The following MINK1 variants were observed in gnomAD, a reference collection of about 807,000 sequenced individuals.
MINK1 encodes the protein misshapen like kinase 1, also known as misshapen-like kinase 1.
A neutral mutation model predicts 178.4 loss-of-function variants in MINK1; 46 were observed. The ratio of observed to expected loss-of-function variants is 0.26; its 90% CI spans 0.20 to 0.33. MINK1 has a LOEUF of 0.33. Ranked by LOEUF, MINK1 falls within the 10% of genes least tolerant of loss-of-function variation. MINK1 has a pLI of 1.00. For missense variants in MINK1, 1,366 were observed against 1,814.9 expected (o/e 0.75, Z 4.49); for synonymous variants, 797 against 709.7 (o/e 1.12, Z -1.96).
intron 1 of MINK1, among the ~76,000 whole-genome samples, chr17:4,838,380 A>G (rs899887898): frequency 1.4e-4 from 21 of 152,238 alleles, no homozygotes; most frequent in African/African-American, 4.3e-4. Flanking sequence ...GACAGTTAAG[A>G]TAACAGTAAG....
chr17:4,885,306 C>T lies in MINK1; in HGVS notation c.509-177C>T, dbSNP rs1968100393. ...TTTACCTGGGTTTTTCTCTAAGATG[C>T]TGGAAGATGGAATCGGGTTCTTCAG... On this transcript the variant is annotated intron_variant, in intron 6 of 31. Transcript: ENST00000355280. The surrounding 1 kb of genome is among the most constrained non-coding windows in gnomAD (Gnocchi z 5.0). 6.6e-6 allele frequency among the ~76,000 whole-genome samples: 1 copy of T among 152,160 alleles called. No homozygotes were observed. The highest frequency in any genetic ancestry group is 1.5e-5 in the Non-Finnish European group (1 of 68,032).
At position 4,892,208 on chromosome 17, in the gene MINK1, C is replaced by T. The variant is rs994623219; in HGVS notation, c.2061C>T (p.Ser687=). 4 of 1,595,984 alleles carry T rather than the reference C, an allele frequency of 2.5e-6. No individual in the cohort carries two copies. The African/African-American group carries it at 5.4e-5, about 21-fold the overall frequency. ...TALNTSGAGG[S]RPAQAVRARP... is the part of the protein sequence containing the mutation. ...TTAACACCAGTGGGGCCGGAGGGTC[C>T]CGGCCAGCCCAGGCAGTCCGTGCCA... The change falls in exon 17 of 32, where the codon TCC becomes TCT. Residue 687 remains serine, a synonymous_variant. Transcript: ENST00000355280.
intron 1 of MINK1, among the ~76,000 whole-genome samples, chr17:4,851,999 C>CAAAAAAAAAAAAAAAAAAAAAAAAA (rs535581252): frequency 1.4e-5 from 1 of 69,446 alleles, no homozygotes; most frequent in African/African-American, 6.4e-5. Flanking sequence ...GACTCTGTCT[C>CAAAAAAAAAAAAAAAAAAAAAAAAA]AAAAAAAAAA....
chr17:4,896,931 G>T lies in MINK1; in HGVS notation c.3915+118G>T. 1 of 1,344,080 alleles carries T rather than the reference G, an allele frequency of 7.4e-7. No homozygotes were observed. The highest frequency in any genetic ancestry group is 1.5e-5 in the South Asian group (1 of 64,602). The allele number at this position is 1,344,080 out of a possible 1,614,324, so 83.3% of individuals were successfully genotyped here. ...GGCTTCCTGAAAGCGGGCCCCTCTG[G>T]GAGCTCAGAGGGCAGTCAGCCACTA... is the stretch of plus-strand genomic sequence containing the variant. On this transcript the variant is annotated intron_variant, in intron 31 of 31. Coordinates refer to ENST00000355280, the MANE Select transcript of MINK1 (RefSeq NM_153827.5). This position sits in a 1 kb window ranked among gnomAD's most constrained non-coding sequence, Gnocchi z 4.6.
rs1355949825 is a variant in MINK1, at chr17:4,886,505, C to G, written c.828C>G (p.Ser276Arg). ...IDTCLIKTYL[S>R]RPPTEQLLKF... ...CATGTCTCATCAAGACTTACCTGAG[C>G]CGCCCACCCACGGAGCAGCTACTGA... Residue 276 changes from serine to arginine, a missense_variant, in exon 10 of 32, where the codon AGC (serine) becomes AGG (arginine). Transcript: ENST00000355280. This position sits in a 1 kb window ranked among gnomAD's most constrained non-coding sequence, Gnocchi z 6.1. 1 of 1,613,258 alleles carries G rather than the reference C, an allele frequency of 6.2e-7. No individual in the cohort carries two copies. Among genetic ancestry groups the G allele is most frequent in the African/African-American group, 1.3e-5 (1 of 74,918 alleles).
intron 1 of MINK1, chr17:4,834,925 C>G (rs995065358): frequency 1.0e-5 from 5 of 499,416 alleles, no homozygotes; most frequent in African/African-American, 2.0e-5. Context: ...AGAGCAGAGT[C>G]ATGTTGTTAA....
chr17:4,895,892 T>C lies in MINK1; in HGVS notation c.3364+60T>C, dbSNP rs560123915. On this transcript the variant is annotated intron_variant, in intron 27 of 31. Coordinates refer to ENST00000355280, the MANE Select transcript of MINK1 (RefSeq NM_153827.5). The surrounding 1 kb of genome is among the most constrained non-coding windows in gnomAD (Gnocchi z 4.3). ...TTGTTCATGAAGAGAGAAATGGATC[T>C]GGGAGCCAGGGACTTGGGGCCTGGG... 8 of 1,590,742 alleles carry C rather than the reference T, an allele frequency of 5.0e-6. No individual in the cohort carries two copies. The South Asian group carries it at 9.0e-5, about 18-fold the overall frequency.
intron 1 of MINK1, among the ~76,000 whole-genome samples, chr17:4,865,896 A>G (rs1311439140): frequency 6.6e-6 from 1 of 152,156 alleles, no homozygotes; most frequent in African/African-American, 2.4e-5. Context: ...ACCTGTCTCA[A>G]AAAAGAAACG....
At position 4,893,553 on chromosome 17, in the gene MINK1, C is replaced by G. The variant is rs1379028932; in HGVS notation, c.2520C>G (p.Gly840=). 6.3e-6 allele frequency: 10 copies of G among 1,586,844 alleles called. No individual in the cohort carries two copies. The South Asian group carries it at 6.7e-5, about 11-fold the overall frequency. Residue 840 remains glycine, a synonymous_variant, in exon 21 of 32, where the codon GGC becomes GGG. Coordinates refer to ENST00000355280, the MANE Select transcript of MINK1 (RefSeq NM_153827.5). ...GCAGTGAGGACGACGAGGAGGAAGG[C>G]GAAGGCGGGCCAGCAGAGGGGAGCA... ...VESSEDDEEE[G]EGGPAEGSRD... is the part of the protein sequence containing the mutation.
chr17:4,840,096 GA>G (rs371598445), intron 1 of MINK1, among the ~76,000 whole-genome samples: 4 of 151,554 alleles, frequency 2.6e-5, no homozygotes, highest in Non-Finnish European at 5.9e-5. Flanking sequence ...CTGTGTCATG[GA>G]AAAAAAATTG....
chr17:4,878,230 C>A, intron 1 of MINK1, 87 bp from the exon 2 acceptor site: 1 of 1,254,378 alleles, frequency 8.0e-7, no homozygotes, highest in Non-Finnish European at 1.1e-6. Context: ...ACTCCCATAT[C>A]TTGACTGGAT....
Position 4,895,790 on chromosome 17 carries a change from A to T in MINK1, c.3322A>T (p.Thr1108Ser). ...AGAAGTGGAGAAGAAGCAGGGCTGG[A>T]CCACCGTGGGGGACATGGAGGGCTG... The part of the protein sequence containing the change: ...DPEVEKKQGW[T>S]TVGDMEGCGH... The change falls in exon 27 of 32, where the codon ACC becomes TCC. Residue 1108 changes from threonine (T) to serine (S), a missense_variant. Thr to Ser is a moderately conservative substitution (Grantham distance 58, BLOSUM62 1). This residue lies in a region of MINK1 where 77 missense variants were observed against 119.5 expected (regional missense o/e 0.64). Coordinates refer to ENST00000355280, the MANE Select transcript of MINK1 (RefSeq NM_153827.5). This position sits in a 1 kb window ranked among gnomAD's most constrained non-coding sequence, Gnocchi z 4.3. 1 of 1,613,804 alleles carries T rather than the reference A, an allele frequency of 6.2e-7. No homozygotes were observed. The highest frequency in any genetic ancestry group is 1.3e-5 in the African/African-American group (1 of 75,018).
intron 1 of MINK1, among the ~76,000 whole-genome samples, chr17:4,869,333 A>G (rs186981628): frequency 5.9e-5 from 9 of 151,378 alleles, no homozygotes; most frequent in East Asian, 5.9e-4. Flanking sequence ...CTGCAGTGCA[A>G]TGGCACGATC....
intron 4 of MINK1, among the ~76,000 whole-genome samples, chr17:4,881,900 C>T (rs1229082999): frequency 6.6e-6 from 1 of 152,288 alleles, no homozygotes; most frequent in Non-Finnish European, 1.5e-5. Context: ...GATGGAGCAG[C>T]AGGGAGTGTG....
rs1004850790 is a variant in MINK1, at chr17:4,887,474, G to GA, written c.1020-105dup. On this transcript the variant is annotated intron_variant, in intron 11 of 31. Coordinates refer to ENST00000355280, the MANE Select transcript of MINK1 (RefSeq NM_153827.5). This position sits in a 1 kb window ranked among gnomAD's most constrained non-coding sequence, Gnocchi z 7.6. ...GGCCACCTGGGAGTGGCCAGAGGCA[G>GA]AGGCTTTGATCCAGTTAAAGCACCC... is the stretch of plus-strand genomic sequence containing the variant. 3.6e-6 allele frequency: 4 copies of GA among 1,105,862 alleles called. No homozygotes were observed. The African/African-American group carries it at 6.4e-5, about 18-fold the overall frequency. The allele number at this position is 1,105,862 out of a possible 1,614,324, so 68.5% of individuals were successfully genotyped here.
rs58447598 is a variant in MINK1, at chr17:4,869,821, G to GTTTA, written c.58-8468_58-8465dup. Reference sequence around the variant, plus strand: ...TTTTATTTTATTTATTATTTTATTTGTTTATTTATTTATTTATTTATTTAT... The same window carrying GTTTA: ...TTTTATTTTATTTATTATTTTATTTGTTTATTTATTTATTTATTTATTTATTTAT... On this transcript the variant is annotated intron_variant, in intron 1 of 31. Transcript: ENST00000355280. 2.4e-3 allele frequency among the ~76,000 whole-genome samples: 336 copies of GTTTA among 139,294 alleles called. 2 individuals are homozygous for GTTTA. The highest frequency in any genetic ancestry group is 0.023 in the East Asian group (107 of 4,720). The allele number at this position is 139,294 out of a possible 152,430, so 91.4% of individuals were successfully genotyped here.
intron 1 of MINK1, among the ~76,000 whole-genome samples, chr17:4,839,940 TGTG>T (rs1311377851): frequency 4.2e-3 from 4 of 954 alleles, no homozygotes; most frequent in Non-Finnish European, 6.6e-3. Context: ...TATTTATTAA[TGTG>T]TGTGTGTGTG....
chr17:4,869,605 C>G (rs1458735268), intron 1 of MINK1, among the ~76,000 whole-genome samples: 1 of 151,966 alleles, frequency 6.6e-6, no homozygotes, highest in Non-Finnish European at 1.5e-5. Context: ...ATATACCCAG[C>G]AGTGGTATTG....
intron 1 of MINK1, among the ~76,000 whole-genome samples, chr17:4,872,329 T>TA (rs766022684): frequency 0.035 from 4,142 of 117,578 alleles, 81 homozygotes; most frequent in African/African-American, 0.064. Context: ...GACTAAGTCT[T>TA]AAAAAAAAAA....
Sources: gnomAD v4.1 joint callset for allele counts (sites outside exome capture counted in the v4.1 genomes callset) on GRCh38, gnomAD v4.1.1 for gene constraint, gnomAD v4.1.1 regional missense constraint, Gnocchi (gnomAD v3.1) non-coding constraint, MANE v1.5 for transcripts, NCBI Gene and HGNC (gene_info 2026-07-23, HGNC 2026-07-21) for gene names.